CYTH1: variants seen among roughly 807,000 people sequenced by gnomAD.
CYTH1 encodes the protein cytohesin-1.
In CYTH1, 18 loss-of-function variants were observed where a neutral mutation model predicts 61.8. That is an observed-to-expected ratio of 0.29 (90% confidence interval 0.20 to 0.43). CYTH1 has a LOEUF of 0.43. Among genes scored for constraint, CYTH1 ranks in the 20% least tolerant of loss-of-function variants. CYTH1 has a pLI of 1.00. For missense variants in CYTH1, 336 were observed against 510.5 expected (o/e 0.66, Z 3.29); for synonymous variants, 174 against 184.3 (o/e 0.94, Z 0.45).
At chr17:78,688,127 G>C (rs2092835689) in intron 11 of CYTH1, among the ~76,000 whole-genome samples, 2 of 152,210 alleles carry the variant, frequency 1.3e-5, no homozygotes, top group African/African-American at 4.8e-5. Context: ...ATACTGCATA[G>C]ACTCACATTT....
intron 1 of CYTH1, among the ~76,000 whole-genome samples, chr17:78,719,991 T>A (rs966590246): frequency 1.3e-5 from 2 of 152,184 alleles, no homozygotes; most frequent in African/African-American, 4.8e-5. Context: ...ATTAAGCCAG[T>A]TGCAAAAGGG....
chr17:78,678,617 T>G (rs1400079884), intron 13 of CYTH1: 2 of 152,224 alleles, frequency 1.3e-5, no homozygotes, highest in African/African-American at 4.8e-5. Context: ...CCCACAACAC[T>G]GCTGTTTTCT....
chr17:78,677,391 G>A (rs1301560942), intron 13 of CYTH1: 2 of 205,132 alleles, frequency 9.7e-6, no homozygotes, highest in East Asian at 1.6e-4. Flanking sequence ...CCCCAGGCCC[G>A]GCCCTGCCTG....
intron 11 of CYTH1, among the ~76,000 whole-genome samples, chr17:78,686,157 C>A (rs1253264010): frequency 6.6e-6 from 1 of 152,152 alleles, no homozygotes; most frequent in Non-Finnish European, 1.5e-5. Flanking sequence ...GCTTTTCTCT[C>A]ATTGTTTTAA....
chr17:78,699,313 G>A (rs1478739518), intron 7 of CYTH1, among the ~76,000 whole-genome samples: 5 of 151,428 alleles, frequency 3.3e-5, no homozygotes, highest in Admixed American at 6.6e-5. Flanking sequence ...GCAGTGAGCC[G>A]AGATAGCGCC....
chr17:78,679,692 G>A (rs377757370), intron 13 of CYTH1, among the ~76,000 whole-genome samples: 34 of 152,226 alleles, frequency 2.2e-4, no homozygotes, highest in Non-Finnish European at 2.1e-4. Flanking sequence ...CTTAGCTGTG[G>A]AACCCTGAGG....
chr17:78,685,624 G>A (rs1030112986), intron 11 of CYTH1, among the ~76,000 whole-genome samples: 6 of 152,118 alleles, frequency 3.9e-5, no homozygotes, highest in African/African-American at 1.4e-4. Flanking sequence ...TATTAGTTCT[G>A]TATTTAAATG....
At chr17:78,728,270 G>A (rs1353263046) in intron 1 of CYTH1, among the ~76,000 whole-genome samples, 2 of 152,188 alleles carry the variant, frequency 1.3e-5, no homozygotes, top group African/African-American at 2.4e-5. Flanking sequence ...TTTACGCCGG[G>A]TGCAGTGGCT....
intron 1 of CYTH1, among the ~76,000 whole-genome samples, chr17:78,742,218 G>C (rs2093344448): frequency 6.6e-6 from 1 of 152,192 alleles, no homozygotes; most frequent in Non-Finnish European, 1.5e-5. Flanking sequence ...ACTATACACT[G>C]CTATGAAACT....
At chr17:78,750,770 C>T (rs1214692788) in intron 1 of CYTH1, among the ~76,000 whole-genome samples, 2 of 150,674 alleles carry the variant, frequency 1.3e-5, no homozygotes, top group Non-Finnish European at 2.9e-5. Context: ...CCAATGCGCT[C>T]CAGACTGGGC....
intron 1 of CYTH1, among the ~76,000 whole-genome samples, chr17:78,773,594 A>G (rs1271846818): frequency 6.6e-6 from 1 of 151,710 alleles, no homozygotes; most frequent in Non-Finnish European, 1.5e-5. Context: ...GTGCCACTGC[A>G]CTGCAGCCTG....
intron 1 of CYTH1, among the ~76,000 whole-genome samples, chr17:78,749,323 G>A (rs930143129): frequency 1.3e-5 from 2 of 152,110 alleles, no homozygotes; most frequent in Non-Finnish European, 2.9e-5. Context: ...AGCCAGGCAT[G>A]GTGGTAGGCA....
intron 1 of CYTH1, among the ~76,000 whole-genome samples, chr17:78,753,346 C>T (rs1007759796): frequency 2.0e-5 from 3 of 151,922 alleles, no homozygotes; most frequent in Non-Finnish European, 4.4e-5. Flanking sequence ...GTCACAAGGC[C>T]GGTGCCACAG....
chr17:78,779,485 C>T (rs758964045), intron 1 of CYTH1, among the ~76,000 whole-genome samples: 1 of 151,868 alleles, frequency 6.6e-6, no homozygotes, highest in Non-Finnish European at 1.5e-5. Context: ...AGAATAACAG[C>T]CCCTAAAGAA....
At chr17:78,712,402 C>T (rs1164092713) in intron 1 of CYTH1, among the ~76,000 whole-genome samples, 1 of 152,046 alleles carries the variant, frequency 6.6e-6, no homozygotes, top group African/African-American at 2.4e-5. Context: ...CCTGTAATCT[C>T]AGCACTTTGG....
At chr17:78,732,017 T>C (rs1287225468) in intron 1 of CYTH1, among the ~76,000 whole-genome samples, 1 of 152,202 alleles carries the variant, frequency 6.6e-6, no homozygotes, top group Non-Finnish European at 1.5e-5. Context: ...CGAACCCTCC[T>C]GAAGCACAGG....
chr17:78,763,177 C>T (rs1211342904), intron 1 of CYTH1, among the ~76,000 whole-genome samples: 3 of 151,862 alleles, frequency 2.0e-5, no homozygotes, highest in Non-Finnish European at 4.4e-5. Context: ...AACCCTGTCT[C>T]TACTAAAAAT....
At chr17:78,776,145 ACT>A (rs776012089) in intron 1 of CYTH1, among the ~76,000 whole-genome samples, 12 of 152,048 alleles carry the variant, frequency 7.9e-5, no homozygotes, top group Non-Finnish European at 1.6e-4. Flanking sequence ...ACAGAGTAAA[ACT>A]CTGTCTCAAC....
In CYTH1 at chr17:78,741,818, C is replaced by T. The variant is rs534928304; in HGVS notation, c.23-32086G>A. 7.9e-5 allele frequency among the ~76,000 whole-genome samples: 12 copies of T among 152,288 alleles called. No individual in the cohort carries two copies. The South Asian group carries it at 2.3e-3, about 29-fold the overall frequency. On this transcript the variant is annotated intron_variant, in intron 1 of 13. Transcript: ENST00000446868. ...ACCACACTCCCTCCAGGACAGCCTC[C>T]GGCAGACAGCAGGATGGAGCCGGAC...
Sources: gnomAD v4.1 joint callset for allele counts (sites outside exome capture counted in the v4.1 genomes callset) on GRCh38, gnomAD v4.1.1 for gene constraint, MANE v1.5 for transcripts, NCBI Gene and HGNC (gene_info 2026-07-23, HGNC 2026-07-21) for gene names.